CHST11: variants seen among roughly 807,000 people sequenced by gnomAD.
CHST11 encodes the protein C4S-1.
Under a neutral mutation model 30.4 loss-of-function variants are expected in CHST11, and 9 were observed. The ratio of observed to expected loss-of-function variants is 0.30; its 90% confidence interval spans 0.18 to 0.52. The LOEUF is 0.52. Among genes scored for constraint, CHST11 ranks in the 20% least tolerant of loss-of-function variants. CHST11 has a pLI of 0.97. For synonymous variants in CHST11, 152 were observed against 187.8 expected (o/e 0.81, Z 1.56); for missense variants, 348 against 460.6 (o/e 0.76, Z 2.24).
intron 1 of CHST11, among the ~76,000 whole-genome samples, chr12:104,554,392 G>A (rs2038434854): frequency 6.6e-6 from 1 of 152,200 alleles, no homozygotes; most frequent in Non-Finnish European, 1.5e-5. Context: ...CATCTTGATG[G>A]GCCTGGCTGA....
At chr12:104,692,786 A>T (rs540586509) in intron 2 of CHST11, among the ~76,000 whole-genome samples, 2 of 152,180 alleles carry the variant, frequency 1.3e-5, no homozygotes, top group Non-Finnish European at 2.9e-5. Flanking sequence ...TCTAGGTTGC[A>T]TGCTCCTTAT....
chr12:104,568,160 GC>G (rs1368827405), intron 1 of CHST11, among the ~76,000 whole-genome samples: 1 of 152,168 alleles, frequency 6.6e-6, no homozygotes. Flanking sequence ...CATGATCAGG[GC>G]TGCTGTTTAG....
intron 1 of CHST11, among the ~76,000 whole-genome samples, chr12:104,573,563 A>G (rs886857357): frequency 6.6e-6 from 1 of 152,246 alleles, no homozygotes; most frequent in Non-Finnish European, 1.5e-5. Context: ...CCATACATCT[A>G]CAACTATCTG....
chr12:104,733,980 C>T (rs1423092767), intron 2 of CHST11, among the ~76,000 whole-genome samples: 1 of 152,228 alleles, frequency 6.6e-6, no homozygotes, highest in Non-Finnish European at 1.5e-5. Flanking sequence ...GGGGGCTGCC[C>T]AGGAATGTGG....
At chr12:104,523,523 G>A (rs1335312550) in intron 1 of CHST11, among the ~76,000 whole-genome samples, 1 of 152,190 alleles carries the variant, frequency 6.6e-6, no homozygotes, top group Non-Finnish European at 1.5e-5. Context: ...CAGGAAATCT[G>A]TCCATTTCCA....
intron 2 of CHST11, among the ~76,000 whole-genome samples, chr12:104,606,178 G>GT (rs986843547): frequency 7.4e-5 from 10 of 134,294 alleles, no homozygotes; most frequent in East Asian, 2.6e-4. Context: ...CGGGGGGCGG[G>GT]GGGGGGAATG....
intron 1 of CHST11, among the ~76,000 whole-genome samples, chr12:104,459,390 G>A (rs1186395473): frequency 2.0e-5 from 3 of 152,172 alleles, no homozygotes; most frequent in Non-Finnish European, 2.9e-5. Context: ...CGGTGATTTG[G>A]TCTAGACTCT....
intron 1 of CHST11, among the ~76,000 whole-genome samples, chr12:104,557,935 A>G (rs955650774): frequency 1.3e-5 from 2 of 151,886 alleles, no homozygotes; most frequent in African/African-American, 4.8e-5. Flanking sequence ...GCAGGAAAGC[A>G]GGGGATGCAT....
intron 2 of CHST11, among the ~76,000 whole-genome samples, chr12:104,613,816 A>T (rs1270445373): frequency 2.0e-5 from 3 of 152,206 alleles, no homozygotes; most frequent in Non-Finnish European, 2.9e-5. Context: ...AAAGACAAAT[A>T]CCGCATGATC....
chr12:104,750,454 T>TTTTTTTTTG (rs1566064735), intron 2 of CHST11, among the ~76,000 whole-genome samples: 1 of 122,162 alleles, frequency 8.2e-6, no homozygotes, highest in Non-Finnish European at 1.7e-5. Flanking sequence ...TTTTTTTTTT[T>TTTTTTTTTG]TTGTTGAGAC....
intron 1 of CHST11, among the ~76,000 whole-genome samples, chr12:104,520,517 A>C (rs769768407): frequency 8.5e-5 from 13 of 152,198 alleles, no homozygotes; most frequent in Non-Finnish European, 1.5e-4. Flanking sequence ...CAAAACAAAA[A>C]AAAACAAACC....
At chr12:104,645,583 T>C (rs1478322304) in intron 2 of CHST11, among the ~76,000 whole-genome samples, 1 of 152,134 alleles carries the variant, frequency 6.6e-6, no homozygotes, top group Non-Finnish European at 1.5e-5. Flanking sequence ...GCCTGGGCTC[T>C]GGGGGGCCCT....
chr12:104,555,601 G>A (rs188880195), intron 1 of CHST11, among the ~76,000 whole-genome samples: 9 of 152,302 alleles, frequency 5.9e-5, no homozygotes, highest in Admixed American at 5.9e-4. Context: ...CCTAGCTGTG[G>A]GATCTTGGAC....
chr12:104,720,941 A>G (rs1306264877), intron 2 of CHST11, among the ~76,000 whole-genome samples: 4 of 152,120 alleles, frequency 2.6e-5, no homozygotes, highest in African/African-American at 9.7e-5. Context: ...GAGGTCGTGG[A>G]TGTAGGAAGG....
chr12:104,721,665 C>G (rs373483143), intron 2 of CHST11, among the ~76,000 whole-genome samples: 1 of 151,948 alleles, frequency 6.6e-6, no homozygotes, highest in Admixed American at 6.6e-5. Context: ...TAAGGAGTTA[C>G]GTGAACAAAC....
intron 2 of CHST11, among the ~76,000 whole-genome samples, chr12:104,719,955 G>C (rs1323842427): frequency 6.6e-6 from 1 of 152,248 alleles, no homozygotes; most frequent in Non-Finnish European, 1.5e-5. Flanking sequence ...GTTTAGGAAT[G>C]GGTCCCTGCT....
intron 2 of CHST11, among the ~76,000 whole-genome samples, chr12:104,662,022 G>A (rs920839436): frequency 6.6e-6 from 1 of 152,208 alleles, no homozygotes; most frequent in South Asian, 2.1e-4. Context: ...CTCCATCTGG[G>A]TGGAGGTGAA....
At chr12:104,550,671 A>G (rs1238834721) in intron 1 of CHST11, among the ~76,000 whole-genome samples, 1 of 152,174 alleles carries the variant, frequency 6.6e-6, no homozygotes, top group Non-Finnish European at 1.5e-5. Flanking sequence ...TCTTGCCCAT[A>G]TGGGTCCTAA....
At chr12:104,561,840 G>C (rs148765010) in intron 1 of CHST11, among the ~76,000 whole-genome samples, 1 of 151,540 alleles carries the variant, frequency 6.6e-6, no homozygotes. Flanking sequence ...CGCCAGGCTG[G>C]AGTGCAGTGG....
Sources: gnomAD v4.1 joint callset for allele counts (sites outside exome capture counted in the v4.1 genomes callset) on GRCh38, gnomAD v4.1.1 for gene constraint, MANE v1.5 for transcripts, NCBI Gene and HGNC (gene_info 2026-07-23, HGNC 2026-07-21) for gene names.